Variants in CCDC85A observed in about 807,000 individuals in gnomAD.
CCDC85A encodes the protein coiled-coil domain-containing protein 85A.
CCDC85A carries 38 observed loss-of-function variants against 50.2 expected under a neutral mutation model. The ratio of observed to expected loss-of-function variants is 0.76; its 90% CI spans 0.58 to 0.99. CCDC85A has a LOEUF of 0.99. Ranked by LOEUF, CCDC85A falls within the 50% of genes least tolerant of loss-of-function variation. The probability of loss-of-function intolerance (pLI) is 0.00; values close to 1 mark genes in which losing one functional copy is unlikely to be tolerated. For missense variants in CCDC85A, 820 were observed against 742.0 expected (o/e 1.11, Z -1.22); for synonymous variants, 366 against 301.4 (o/e 1.21, Z -2.22).
intron 2 of CCDC85A, among the ~76,000 whole-genome samples, chr2:56,311,826 T>C (rs1436852286): frequency 6.6e-6 from 1 of 152,150 alleles, no homozygotes; most frequent in East Asian, 1.9e-4. Flanking sequence ...CAGGGTTTCA[T>C]AGCGCTCTAT....
intron 2 of CCDC85A, among the ~76,000 whole-genome samples, chr2:56,267,537 C>T (rs963579271): frequency 6.6e-6 from 1 of 152,170 alleles, no homozygotes; most frequent in Non-Finnish European, 1.5e-5. Flanking sequence ...TTCATTCTGA[C>T]TGGGACCAGA....
At chr2:56,244,759 C>G (rs1349141946) in intron 2 of CCDC85A, among the ~76,000 whole-genome samples, 1 of 151,910 alleles carries the variant, frequency 6.6e-6, no homozygotes, top group Admixed American at 6.6e-5. Flanking sequence ...ATTCAGGGCT[C>G]AAGGGCTTCT....
chr2:56,316,019 A>G (rs1456407981), intron 2 of CCDC85A, among the ~76,000 whole-genome samples: 1 of 152,144 alleles, frequency 6.6e-6, no homozygotes, highest in African/African-American at 2.4e-5. Flanking sequence ...TAGGCCAGCT[A>G]CACTAGGGGG....
intron 2 of CCDC85A, among the ~76,000 whole-genome samples, chr2:56,232,701 A>T (rs1668826220): frequency 6.6e-6 from 1 of 151,976 alleles, no homozygotes; most frequent in Admixed American, 6.6e-5. Flanking sequence ...GTATTTTTTC[A>T]TATCAGCATG....
intron 1 of CCDC85A, among the ~76,000 whole-genome samples, chr2:56,191,273 GT>G (rs140479927): frequency 6.6e-6 from 1 of 152,110 alleles, no homozygotes; most frequent in Non-Finnish European, 1.5e-5. Context: ...CTCTATACGT[GT>G]TTTTTGCCAG....
Position 56,187,722 on chromosome 2 carries a change from T to C in CCDC85A, c.276+2822T>C, listed in dbSNP as rs75106341. Among the ~76,000 whole-genome samples the C allele has an allele frequency of 1.7e-3, 252 of 152,302 alleles. 1 individual carries two copies. Among genetic ancestry groups the C allele is most frequent in the African/African-American group, 5.8e-3 (240 of 41,560 alleles). ...CCTGCTTTCCTTTTCTTTTGGCTAG[T>C]TGACATTCTTTGCTTAGAATGTGTG... On this transcript the variant is annotated intron_variant, in intron 1 of 5. Coordinates refer to ENST00000407595, the MANE Select transcript of CCDC85A (RefSeq NM_001080433.2).
At chr2:56,288,686 C>T (rs1671558730) in intron 2 of CCDC85A, among the ~76,000 whole-genome samples, 1 of 149,228 alleles carries the variant, frequency 6.7e-6, no homozygotes, top group Admixed American at 6.9e-5. Context: ...CTTCTTCCCA[C>T]CATGCCCCCC....
intron 2 of CCDC85A, among the ~76,000 whole-genome samples, chr2:56,279,885 C>G (rs1671127467): frequency 1.3e-5 from 2 of 152,148 alleles, no homozygotes; most frequent in African/African-American, 2.4e-5. Flanking sequence ...GTGAAAAGTG[C>G]TGGAATAAAC....
Position 56,282,764 on chromosome 2 carries a change from C to T in CCDC85A, c.1241-60115C>T, listed in dbSNP as rs574583358. On this transcript the variant is annotated intron_variant, in intron 2 of 5. Coordinates refer to ENST00000407595, the MANE Select transcript of CCDC85A (RefSeq NM_001080433.2). ...ACCTCATGTGATCCTCTCGCCTCGG[C>T]CTCCCAGAGTGCTGGGATTACAGGC... 7.9e-5 allele frequency among the ~76,000 whole-genome samples: 12 copies of T among 152,364 alleles called. No individual in the cohort carries two copies. In the East Asian group the frequency reaches 2.1e-3, roughly 27 times the overall value.
intron 2 of CCDC85A, among the ~76,000 whole-genome samples, chr2:56,332,985 A>G (rs1241796931): frequency 6.6e-6 from 1 of 152,230 alleles, no homozygotes; most frequent in Non-Finnish European, 1.5e-5. Context: ...TTCCTTCAAT[A>G]GAATTTTATT....
intron 2 of CCDC85A, among the ~76,000 whole-genome samples, chr2:56,205,238 T>C (rs995759861): frequency 6.6e-6 from 1 of 152,192 alleles, no homozygotes; most frequent in African/African-American, 2.4e-5. Context: ...AATCTAATGA[T>C]GAAACAGTGG....
At chr2:56,288,774 T>G (rs1446403324) in intron 2 of CCDC85A, among the ~76,000 whole-genome samples, 1 of 151,866 alleles carries the variant, frequency 6.6e-6, no homozygotes, top group African/African-American at 2.4e-5. Context: ...TTATACATCC[T>G]AAGACCAGAG....
chr2:56,266,455 C>T (rs1034135282), intron 2 of CCDC85A, among the ~76,000 whole-genome samples: 51 of 151,786 alleles, frequency 3.4e-4, no homozygotes, highest in Admixed American at 7.2e-4. Flanking sequence ...GACAAAGAAA[C>T]GATAAGTATC....
At chr2:56,377,698 C>G (rs1047910831) in intron 5 of CCDC85A, among the ~76,000 whole-genome samples, 1 of 151,956 alleles carries the variant, frequency 6.6e-6, no homozygotes, top group Non-Finnish European at 1.5e-5. Flanking sequence ...ACCAGCCTGG[C>G]CAACATAGTG....
intron 2 of CCDC85A, among the ~76,000 whole-genome samples, chr2:56,286,409 T>G (rs1260859458): frequency 6.6e-6 from 1 of 152,180 alleles, no homozygotes; most frequent in African/African-American, 2.4e-5. Flanking sequence ...TTAAAAAATT[T>G]TTTTAAAATG....
intron 2 of CCDC85A, among the ~76,000 whole-genome samples, chr2:56,292,722 C>A (rs1003591855): frequency 2.6e-4 from 40 of 152,152 alleles, no homozygotes; most frequent in African/African-American, 9.7e-4. Flanking sequence ...ATCATTTGTA[C>A]ATACTTCTTC....
intron 3 of CCDC85A, among the ~76,000 whole-genome samples, chr2:56,364,717 C>T (rs762192471): frequency 2.6e-5 from 4 of 152,184 alleles, no homozygotes; most frequent in Non-Finnish European, 4.4e-5. Flanking sequence ...TGATAGTCAT[C>T]CTGGATAACT....
intron 2 of CCDC85A, among the ~76,000 whole-genome samples, chr2:56,287,349 C>G (rs1390691015): frequency 6.6e-6 from 1 of 152,192 alleles, no homozygotes; most frequent in East Asian, 1.9e-4. Flanking sequence ...ACATAGTTCT[C>G]TACTTGGGCT....
chr2:56,316,153 T>C (rs974160529), intron 2 of CCDC85A, among the ~76,000 whole-genome samples: 5 of 152,116 alleles, frequency 3.3e-5, no homozygotes, highest in African/African-American at 1.2e-4. Context: ...ACAGCTGAGA[T>C]TATACATTTC....
Sources: allele counts gnomAD v4.1 joint callset (sites outside exome capture counted in the v4.1 genomes callset), GRCh38; gene constraint gnomAD v4.1.1; transcripts MANE v1.5; gene names NCBI Gene and HGNC (gene_info 2026-07-23, HGNC 2026-07-21).